BRD3: variants seen among roughly 807,000 people sequenced by gnomAD.
BRD3 encodes bromodomain containing 3.
Under a neutral mutation model 66.8 loss-of-function variants are expected in BRD3, and 17 were observed. That is an observed-to-expected ratio of 0.25 (90% confidence interval 0.17 to 0.38). The LOEUF (loss-of-function observed/expected upper bound fraction) is 0.38, where lower values mean the gene tolerates loss of function less well. BRD3 is among the 10% of genes least tolerant of loss of function. The pLI is 1.00. For missense variants in BRD3, 713 were observed against 956.1 expected (o/e 0.75, Z 3.35); for synonymous variants, 421 against 393.2 (o/e 1.07, Z -0.84).
intron 10 of BRD3, among the ~76,000 whole-genome samples, chr9:134,035,198 G>T (rs563878276): frequency 6.6e-6 from 1 of 152,220 alleles, no homozygotes; most frequent in Non-Finnish European, 1.5e-5. Flanking sequence ...CACCAGGGCC[G>T]CTGCTCTCCA....
chr9:134,068,516 C>G (rs1830719279), upstream of BRD3: 1 of 150,486 alleles, frequency 6.6e-6, no homozygotes, highest in African/African-American at 2.4e-5. Context: ...GTAAACAAAC[C>G]GCGCGCCTAA....
chr9:134,036,482 G>A (rs1370495647), intron 9 of BRD3, 158 bp from the exon 10 acceptor site: 27 of 1,578,712 alleles, frequency 1.7e-5, no homozygotes, highest in Non-Finnish European at 2.1e-5. Context: ...GGTTAGAAAA[G>A]TCGCTCCCAG....
chr9:134,064,678 T>C (rs1224429539), intron 1 of BRD3, among the ~76,000 whole-genome samples: 2 of 151,822 alleles, frequency 1.3e-5, no homozygotes, highest in East Asian at 3.9e-4. Context: ...CTGGCCAACA[T>C]GGTGAAACGC....
At position 134,048,200 on chromosome 9, in the gene BRD3, T is replaced by C. The variant is rs376166015; in HGVS notation, c.969A>G (p.Leu323=). 10 of 1,612,870 alleles carry C rather than the reference T, an allele frequency of 6.2e-6. No individual in the cohort carries two copies. Among genetic ancestry groups the C allele is most frequent in the Non-Finnish European group, 7.6e-6 (9 of 1,179,880 alleles). The stretch of plus-strand genomic sequence containing the variant: ...AGGCGTAGGCCGCGTGCTTCTTGGA[T>C]AGCATCTCCCTGAGGATGCTGTCGC... ...RYCDSILREM[L]SKKHAAYAWP... is the part of the protein sequence containing the mutation. The change falls in exon 6 of 12, where the codon CTA becomes CTG. Residue 323 remains leucine, a synonymous_variant. Coordinates refer to ENST00000303407, the MANE Select transcript of BRD3 (RefSeq NM_007371.4).
At position 134,033,550 on chromosome 9, in the gene BRD3, G is replaced by A. The variant is rs201871642; in HGVS notation, c.*40C>T. The A allele has an allele frequency of 4.2e-5, 30 of 713,822 alleles. 1 individual carries two copies. Among genetic ancestry groups the A allele is most frequent in the South Asian group, 7.3e-5 (5 of 68,104 alleles). The allele number at this position is 713,822 out of a possible 1,614,324, so 44.2% of individuals were successfully genotyped here. A position where few individuals can be genotyped will look rare whatever the true frequency, so the allele number is the denominator to read the frequency against. ...CAGAGGGGTACGGCAGAGTCTCGGC[G>A]TGTGCGACATCCATCTGTCCTGTTC... On this transcript the variant is annotated 3_prime_UTR_variant, in exon 12 of 12. Transcript: ENST00000303407. This position sits in a 1 kb window ranked among gnomAD's most constrained non-coding sequence, Gnocchi z 5.1.
Position 134,033,548 on chromosome 9 carries a change from G to A in BRD3, c.*42C>T, listed in dbSNP as rs754330448. 11 of 711,506 alleles carry A rather than the reference G, an allele frequency of 1.5e-5. No homozygotes were observed. The East Asian group carries it at 2.9e-4, about 19-fold the overall frequency. The allele number at this position is 711,506 out of a possible 1,614,324, so 44.1% of individuals were successfully genotyped here. Reference sequence around the variant, plus strand: ...CACAGAGGGGTACGGCAGAGTCTCGGCGTGTGCGACATCCATCTGTCCTGT... The same window carrying A: ...CACAGAGGGGTACGGCAGAGTCTCGACGTGTGCGACATCCATCTGTCCTGT... On this transcript the variant is annotated 3_prime_UTR_variant, in exon 12 of 12. Coordinates refer to ENST00000303407, the MANE Select transcript of BRD3 (RefSeq NM_007371.4). This position sits in a 1 kb window ranked among gnomAD's most constrained non-coding sequence, Gnocchi z 5.1.
intron 8 of BRD3, among the ~76,000 whole-genome samples, chr9:134,041,155 C>A (rs773183962): frequency 7.9e-5 from 12 of 152,352 alleles, no homozygotes; most frequent in Middle Eastern, 3.4e-3. Context: ...GACAGCCCTG[C>A]TCTATTTTCT....
chr9:134,062,281 G>A (rs922026873), intron 1 of BRD3, among the ~76,000 whole-genome samples: 10 of 152,116 alleles, frequency 6.6e-5, no homozygotes, highest in African/African-American at 1.9e-4. Flanking sequence ...TGGAGGGCCC[G>A]GCTCTACAGG....
rs1233957368 is a variant in BRD3 at position 134,036,416 on chromosome 9, T to A, written c.1644-92A>T. On this transcript the variant is annotated intron_variant, in intron 9 of 11. Transcript: ENST00000303407. ...ACACCCCTTCCTCCCAACAGCAGGCTGCTCTCTGGGACCAAGCTTTCTTCC... is the reference window on the plus strand; with the variant it reads ...ACACCCCTTCCTCCCAACAGCAGGCAGCTCTCTGGGACCAAGCTTTCTTCC... 7.6e-6 allele frequency: 12 copies of A among 1,573,778 alleles called. No homozygotes were observed. The African/African-American group carries it at 1.6e-4, about 21-fold the overall frequency.
chr9:134,053,771 G>A (rs995633208), intron 1 of BRD3, 181 bp from the exon 2 acceptor site: 21 of 511,602 alleles, frequency 4.1e-5, no homozygotes, highest in Admixed American at 2.2e-4. Flanking sequence ...CAGGCGAAGC[G>A]CGACCAGCTC....
chr9:134,034,936 G>A, intron 10 of BRD3, 107 bp from the exon 11 acceptor site: 3 of 1,513,394 alleles, frequency 2.0e-6, no homozygotes, highest in Middle Eastern at 1.7e-4. Flanking sequence ...TGGCATCCAT[G>A]CCAGCTGCCC....
At position 134,036,517 on chromosome 9, in the gene BRD3, A is replaced by G. The variant is rs1044711394; in HGVS notation, c.1644-193T>C. Reference sequence around the variant, plus strand: ...GCTGCGGGGTTTCCAGCCCTTGGCCAGGAAACAATTACAGAGGTTCGTTCC... The same window carrying G: ...GCTGCGGGGTTTCCAGCCCTTGGCCGGGAAACAATTACAGAGGTTCGTTCC... On this transcript the variant is annotated intron_variant, in intron 9 of 11. Transcript: ENST00000303407. 10 of 1,602,430 alleles carry G rather than the reference A, an allele frequency of 6.2e-6. No individual in the cohort carries two copies. In the African/African-American group the frequency reaches 9.4e-5, roughly 15 times the overall value.
At position 134,030,791 on chromosome 9, in the gene BRD3, T is replaced by A. The variant is rs1288370285; in HGVS notation, c.*2799A>T. The A allele has an allele frequency of 4.3e-6, 1 of 231,958 alleles. No individual in the cohort carries two copies. Among genetic ancestry groups the A allele is most frequent in the Non-Finnish European group, 8.5e-6 (1 of 117,400 alleles). The allele number at this position is 231,958 out of a possible 1,614,324, so 14.4% of individuals were successfully genotyped here. A position where few individuals can be genotyped will look rare whatever the true frequency, so the allele number is the denominator to read the frequency against. On this transcript the variant is annotated 3_prime_UTR_variant, in exon 12 of 12. Transcript: ENST00000303407. The stretch of plus-strand genomic sequence containing the variant: ...TGACACTGCCCAACACAAAGAGGGG[T>A]CTGGAGTTCAGTTCACGCCCGAAGC...
At position 134,040,065 on chromosome 9, in the gene BRD3, T is replaced by C; in HGVS notation, c.1612A>G (p.Lys538Glu). Reference sequence around the variant, plus strand: ...GCCGTGGTCGTGCTGTTGGCCTTCTTGGCAGGAGCCTTCTTCTGCTGAGCC... The same window carrying C: ...GCCGTGGTCGTGCTGTTGGCCTTCTCGGCAGGAGCCTTCTTCTGCTGAGCC... ...KQAQQKKAPA[K>E]KANSTTTAGR... The change falls in exon 9 of 12, where the codon AAG (lysine) becomes GAG (glutamate). Residue 538 changes from lysine to glutamate, a missense_variant. Physicochemically the swap from Lys to Glu is moderately conservative, Grantham distance 56. Around this residue, in one of 5 missense-constraint regions of BRD3, gnomAD observed 418 missense variants for 609.3 expected, o/e 0.69. Coordinates refer to ENST00000303407, the MANE Select transcript of BRD3 (RefSeq NM_007371.4). 6.3e-7 allele frequency: 1 copy of C among 1,594,082 alleles called. No individual in the cohort carries two copies. The highest frequency in any genetic ancestry group is 8.5e-7 in the Non-Finnish European group (1 of 1,171,788).
Position 134,033,320 on chromosome 9 carries a change from G to A in BRD3, c.*270C>T, listed in dbSNP as rs1489859597. 29 of 434,764 alleles carry A rather than the reference G, an allele frequency of 6.7e-5. No homozygotes were observed. In the East Asian group the frequency reaches 7.9e-4, roughly 12 times the overall value. The allele number at this position is 434,764 out of a possible 1,614,324, so 26.9% of individuals were successfully genotyped here. ...TCTCACACGGTTTTCTGGGGTCATC[G>A]GGTTAGCATTTGAAGTTGTCATCTC... On this transcript the variant is annotated 3_prime_UTR_variant, in exon 12 of 12. Transcript: ENST00000303407. This position sits in a 1 kb window ranked among gnomAD's most constrained non-coding sequence, Gnocchi z 5.1.
chr9:134,066,313 G>A (rs893425345), intron 1 of BRD3, among the ~76,000 whole-genome samples: 3 of 152,112 alleles, frequency 2.0e-5, no homozygotes, highest in African/African-American at 7.2e-5. Context: ...GTAACCACCA[G>A]CACCCATCAA....
At chr9:134,035,939 GC>G in intron 10 of BRD3, 92 bp downstream of exon 10, 1 of 1,478,090 alleles carries the variant, frequency 6.8e-7, no homozygotes, top group Admixed American at 2.4e-5. Context: ...CTGTGCCCAA[GC>G]TCGCCGCACA....
rs1843573204 is a variant in BRD3, at chr9:134,034,729, C to T, written c.2037G>A (p.Leu679=). ...TCCGGGCGGGCTTCTTGCTGCTGCT[C>T]AGCTGCCCGCTGACATCCTGCAGAC... ...EKRLQDVSGQ[L]SSSKKPARKE... The change falls in exon 11 of 12, where the codon CTG becomes CTA. Residue 679 remains leucine (L), a synonymous_variant. Transcript: ENST00000303407. 1.2e-6 allele frequency: 2 copies of T among 1,607,692 alleles called. No individual in the cohort carries two copies. Among genetic ancestry groups the T allele is most frequent in the South Asian group, 1.1e-5 (1 of 91,092 alleles).
chr9:134,067,471 A>T (rs1051361732), intron 1 of BRD3, among the ~76,000 whole-genome samples: 13 of 148,622 alleles, frequency 8.7e-5, no homozygotes, highest in African/African-American at 3.2e-4. Flanking sequence ...GCACGGCCGC[A>T]GGCCGGGGCC....
Sources: allele counts gnomAD v4.1 joint callset (sites outside exome capture counted in the v4.1 genomes callset), GRCh38; gene constraint gnomAD v4.1.1; regional missense constraint gnomAD v4.1.1; non-coding constraint Gnocchi (gnomAD v3.1); transcripts MANE v1.5; gene names NCBI Gene and HGNC (gene_info 2026-07-23, HGNC 2026-07-21).